Variants in RABGAP1L observed in about 807,000 individuals in gnomAD.
RABGAP1L encodes the protein rab GTPase-activating protein 1-like.
In RABGAP1L, 63 loss-of-function variants were observed where a neutral mutation model predicts 137.7. The observed-to-expected ratio is 0.46, with a 90% confidence interval of 0.37 to 0.56. The LOEUF is 0.56. Among genes scored for constraint, RABGAP1L ranks in the 20% least tolerant of loss-of-function variants. RABGAP1L has a pLI of 0.00. For synonymous variants in RABGAP1L, 431 were observed against 433.7 expected, an observed-to-expected ratio of 0.99 and a Z score of 0.08; for missense variants, 1,095 against 1,244.0, an observed-to-expected ratio of 0.88 and a Z score of 1.80.
Position 174,500,950 on chromosome 1 carries a change from T to G in RABGAP1L, c.1710+106805T>G, listed in dbSNP as rs369428959. ...CTGACATTAAAGACCAAGTTGCTTT[T>G]TTTGTCATTTGTTTTTTACAAATTC... On this transcript the variant is annotated intron_variant, in intron 13 of 25. Transcript: ENST00000681986. 7.2e-5 allele frequency among the ~76,000 whole-genome samples: 11 copies of G among 152,338 alleles called. No homozygotes were observed. The East Asian group carries it at 1.9e-3, about 27-fold the overall frequency.
intron 11 of RABGAP1L, among the ~76,000 whole-genome samples, chr1:174,349,727 G>A (rs1227344413): frequency 1.5e-5 from 2 of 136,346 alleles, no homozygotes; most frequent in African/African-American, 2.7e-5. Flanking sequence ...CTGGCCGGGC[G>A]GGGGGCTGAC....
At chr1:174,685,671 C>G (rs1259766918) in intron 15 of RABGAP1L, among the ~76,000 whole-genome samples, 1 of 152,068 alleles carries the variant, frequency 6.6e-6, no homozygotes, top group Admixed American at 6.6e-5. Context: ...TCAAGTGATT[C>G]TCCTGCCTCA....
chr1:174,241,566 C>G lies in RABGAP1L; in HGVS notation c.626C>G (p.Thr209Arg). ...TTCTGTGCACGTGGACATGACGGAA[C>G]AACAGAGAGCAATTGCTTTGCATTT... Reference protein sequence around the residue: ...VLFCARGHDGTTESNCFAFTE... With the variant: ...VLFCARGHDGRTESNCFAFTE... Residue 209 changes from threonine (T) to arginine (R), a missense_variant, in exon 5 of 26, where the codon ACA (threonine) becomes AGA (arginine). Transcript: ENST00000681986. 6.2e-7 allele frequency: 1 copy of G among 1,613,328 alleles called. No individual in the cohort carries two copies. Among genetic ancestry groups the G allele is most frequent in the Admixed American group, 1.7e-5 (1 of 59,990 alleles).
At chr1:174,909,883 T>TA in intron 19 of RABGAP1L, among the ~76,000 whole-genome samples, 1 of 152,318 alleles carries the variant, frequency 6.6e-6, no homozygotes, top group South Asian at 2.1e-4. Context: ...CTCATGCCTG[T>TA]AATCCCAGCA....
chr1:174,701,738 T>A (rs1467492957), intron 16 of RABGAP1L, among the ~76,000 whole-genome samples: 1 of 112,186 alleles, frequency 8.9e-6, no homozygotes, highest in African/African-American at 3.2e-5. Context: ...GCAAGACTCT[T>A]ATCTCAAAAA....
chr1:174,542,309 G>T (rs60449770), intron 13 of RABGAP1L, among the ~76,000 whole-genome samples: 5,288 of 152,172 alleles, frequency 0.035, 122 homozygotes, highest in Middle Eastern at 0.088. Flanking sequence ...ACTTCTTCCT[G>T]GTTTAGTCTT....
chr1:174,441,690 T>C (rs1318665992), intron 13 of RABGAP1L, among the ~76,000 whole-genome samples: 1 of 152,058 alleles, frequency 6.6e-6, no homozygotes, highest in Non-Finnish European at 1.5e-5. Flanking sequence ...GCCGAGATCA[T>C]GCTATTGCAC....
chr1:174,621,936 A>G (rs1460508122), intron 13 of RABGAP1L, among the ~76,000 whole-genome samples: 1 of 152,198 alleles, frequency 6.6e-6, no homozygotes, highest in Non-Finnish European at 1.5e-5. Flanking sequence ...ATGGGAGAAA[A>G]TTTTTGCCAT....
chr1:174,226,790 T>A (rs368542977), intron 3 of RABGAP1L, among the ~76,000 whole-genome samples: 15 of 152,098 alleles, frequency 9.9e-5, no homozygotes, highest in African/African-American at 3.4e-4. Context: ...TTAAAAAAAA[T>A]TTTCATCTAT....
At chr1:174,934,220 CT>C (rs1664340243) in intron 19 of RABGAP1L, among the ~76,000 whole-genome samples, 1 of 151,990 alleles carries the variant, frequency 6.6e-6, no homozygotes, top group Non-Finnish European at 1.5e-5. Flanking sequence ...TCCCAAGTAG[CT>C]GGGGTTACAG....
At chr1:174,812,331 A>T (rs1015034836) in intron 19 of RABGAP1L, among the ~76,000 whole-genome samples, 1 of 152,342 alleles carries the variant, frequency 6.6e-6, no homozygotes, top group South Asian at 2.1e-4. Flanking sequence ...CAATGCTTTC[A>T]TTTCTCTAAG....
intron 13 of RABGAP1L, among the ~76,000 whole-genome samples, chr1:174,476,420 GT>G (rs899220901): frequency 3.3e-5 from 5 of 151,960 alleles, no homozygotes; most frequent in African/African-American, 1.2e-4. Flanking sequence ...TATAATTTCA[GT>G]TTTTTTCCTA....
At chr1:174,636,671 T>C (rs1382451829) in intron 13 of RABGAP1L, among the ~76,000 whole-genome samples, 2 of 152,220 alleles carry the variant, frequency 1.3e-5, no homozygotes, top group Admixed American at 1.3e-4. Flanking sequence ...TTTATCAGAT[T>C]GTCAGATTTA....
chr1:174,962,333 G>C (rs1669227137), intron 20 of RABGAP1L, among the ~76,000 whole-genome samples: 1 of 151,890 alleles, frequency 6.6e-6, no homozygotes, highest in Admixed American at 6.6e-5. Flanking sequence ...TTGGGACACA[G>C]ACATTATTAT....
At chr1:174,756,387 T>C (rs1268526541) in intron 18 of RABGAP1L, among the ~76,000 whole-genome samples, 1 of 152,060 alleles carries the variant, frequency 6.6e-6, no homozygotes, top group African/African-American at 2.4e-5. Context: ...TAACCTCAGG[T>C]GATCCACCTG....
At chr1:174,911,845 C>CCAAATGAAA (rs1238028185) in intron 19 of RABGAP1L, among the ~76,000 whole-genome samples, 1 of 152,094 alleles carries the variant, frequency 6.6e-6, no homozygotes, top group Non-Finnish European at 1.5e-5. Flanking sequence ...TGCTCCATAT[C>CCAAATGAAA]CAAATGAAAC....
Position 174,179,544 on chromosome 1 carries a change from G to GCACA in RABGAP1L, c.-34+19923_-34+19926dup, listed in dbSNP as rs56839600. Among the ~76,000 whole-genome samples, 1,455 of 147,240 alleles carry GCACA rather than the reference G, an allele frequency of 9.9e-3. 12 individuals carry two copies. The highest frequency in any genetic ancestry group is 0.014 in the South Asian group (64 of 4,538). On this transcript the variant is annotated intron_variant, in intron 1 of 25. Coordinates refer to ENST00000681986, the MANE Select transcript of RABGAP1L (RefSeq NM_001366446.1). ...TTCATTAAAGACAGTCTTAGCACGT[G>GCACA]CACACACACACACACACACACACAC... is the stretch of plus-strand genomic sequence containing the variant.
At chr1:174,321,987 A>ATAAAT (rs1352093347) in intron 11 of RABGAP1L, among the ~76,000 whole-genome samples, 1 of 136,456 alleles carries the variant, frequency 7.3e-6, no homozygotes, top group Non-Finnish European at 1.6e-5. Flanking sequence ...TATATTAGAC[A>ATAAAT]ATTTTTTTAT....
At chr1:174,812,243 A>G (rs945977303) in intron 19 of RABGAP1L, among the ~76,000 whole-genome samples, 1 of 152,214 alleles carries the variant, frequency 6.6e-6, no homozygotes, top group Non-Finnish European at 1.5e-5. Context: ...AGTGGTTTCC[A>G]TGGAAGCAGA....
Sources: allele counts gnomAD v4.1 joint callset (sites outside exome capture counted in the v4.1 genomes callset), GRCh38; gene constraint gnomAD v4.1.1; transcripts MANE v1.5; gene names NCBI Gene and HGNC (gene_info 2026-07-23, HGNC 2026-07-21).